GPATCH8: variants seen among roughly 807,000 people sequenced by gnomAD.
GPATCH8 encodes the protein G patch domain-containing protein 8.
GPATCH8 carries 18 observed loss-of-function variants against 118.3 expected under a neutral mutation model. The ratio of observed to expected loss-of-function variants is 0.15; its 90% CI spans 0.11 to 0.23. The LOEUF (loss-of-function observed/expected upper bound fraction) is 0.23. Among genes scored for constraint, GPATCH8 ranks in the 10% least tolerant of loss-of-function variants. The pLI is 1.00. For synonymous variants in GPATCH8, 659 were observed against 684.7 expected, an observed-to-expected ratio of 0.96 and a Z score of 0.59; for missense variants, 1,631 against 1,873.8, an observed-to-expected ratio of 0.87 and a Z score of 2.39.
Position 44,396,802 on chromosome 17 carries a change from G to GA in GPATCH8, c.*765dup, listed in dbSNP as rs1201788395. ...TAAAAAAATCCTATAAATTAAGAAGGAAACATCAACACAACAGAAGAAAAT... is the reference window on the plus strand; with the variant it reads ...TAAAAAAATCCTATAAATTAAGAAGGAAAACATCAACACAACAGAAGAAAAT... On this transcript the variant is annotated 3_prime_UTR_variant, in exon 8 of 8. Transcript: ENST00000591680. 4 of 454,212 alleles carry GA rather than the reference G, an allele frequency of 8.8e-6. No homozygotes were observed. The highest frequency in any genetic ancestry group is 6.0e-5 in the African/African-American group (3 of 49,966). 28.1% of individuals were successfully genotyped at this position (454,212 alleles called of 1,614,324 possible).
intron 3 of GPATCH8, among the ~76,000 whole-genome samples, chr17:44,458,362 T>G (rs1320815986): frequency 6.6e-6 from 1 of 152,180 alleles, no homozygotes; most frequent in Non-Finnish European, 1.5e-5. Flanking sequence ...CTCATGGCTA[T>G]GATGTAAGTA....
intron 1 of GPATCH8, among the ~76,000 whole-genome samples, chr17:44,500,683 C>G (rs935916307): frequency 6.6e-6 from 1 of 152,124 alleles, no homozygotes; most frequent in African/African-American, 2.4e-5. Flanking sequence ...TAAGTCATCT[C>G]GAACTTACCA....
At chr17:44,469,639 T>C (rs1467208170) in intron 2 of GPATCH8, among the ~76,000 whole-genome samples, 1 of 152,212 alleles carries the variant, frequency 6.6e-6, no homozygotes, top group African/African-American at 2.4e-5. Flanking sequence ...CTTGAGTGGA[T>C]TGTAAGCTTT....
In GPATCH8 at chr17:44,454,089, C is replaced by T. The variant is rs190899327; in HGVS notation, c.193+10383G>A. ...CTATCTTTGGTAATATCTATTCCTCCCTCCTCAGGACTTAGTGAAGTCACC... is the reference window on the plus strand; with the variant it reads ...CTATCTTTGGTAATATCTATTCCTCTCTCCTCAGGACTTAGTGAAGTCACC... On this transcript the variant is annotated intron_variant, in intron 3 of 7. Transcript: ENST00000591680. Among the ~76,000 whole-genome samples the T allele has an allele frequency of 2.6e-5, 4 of 152,274 alleles. No individual in the cohort carries two copies. The East Asian group carries it at 7.7e-4, about 29-fold the overall frequency.
At position 44,399,720 on chromosome 17, in the gene GPATCH8, T is replaced by G. The variant is rs779565700; in HGVS notation, c.2357A>C (p.His786Pro). 96 of 1,614,018 alleles carry G rather than the reference T, an allele frequency of 5.9e-5. No homozygotes were observed. The highest frequency in any genetic ancestry group is 7.9e-5 in the Non-Finnish European group (93 of 1,180,024). The change falls in exon 8 of 8, where the codon CAC becomes CCC. Residue 786 changes from histidine to proline, a missense_variant. By Grantham distance (77) the His-to-Pro change is moderately conservative (BLOSUM62 -2). Coordinates refer to ENST00000591680, the MANE Select transcript of GPATCH8 (RefSeq NM_001002909.4). ...GGATGAAGGTGGAAGTTCACCTTTGTGTTTCCTCCCACCATGGTCTTGGGA... is the reference window on the plus strand; with the variant it reads ...GGATGAAGGTGGAAGTTCACCTTTGGGTTTCCTCCCACCATGGTCTTGGGA... The part of the protein sequence containing the change: ...SSSQDHGGRK[H>P]KGELPPSSCQ...
At chr17:44,481,309 G>A (rs1179419808) in intron 1 of GPATCH8, among the ~76,000 whole-genome samples, 2 of 152,134 alleles carry the variant, frequency 1.3e-5, no homozygotes, top group Non-Finnish European at 2.9e-5. Flanking sequence ...TTATTTGTAC[G>A]CTAGAAACTA....
At position 44,401,301 on chromosome 17, in the gene GPATCH8, C is replaced by G. The variant is rs1815629182; in HGVS notation, c.776G>C (p.Gly259Ala). 6.2e-7 allele frequency: 1 copy of G among 1,609,714 alleles called. No homozygotes were observed. Among genetic ancestry groups the G allele is most frequent in the African/African-American group, 1.3e-5 (1 of 74,530 alleles). ...AGTGATTTGTACTGCAGTGAAAGGG[C>G]CTCCTTTATCTGTGGAGAATTCAGA... ...LGSEFSTDKG[G>A]PFTAVQITNT... The change falls in exon 8 of 8, where the codon GGC becomes GCC. Residue 259 changes from glycine (G) to alanine (A), a missense_variant. Physicochemically the swap from Gly to Ala is moderately conservative, Grantham distance 60. Coordinates refer to ENST00000591680, the MANE Select transcript of GPATCH8 (RefSeq NM_001002909.4).
chr17:44,445,489 A>G (rs972794654), intron 3 of GPATCH8, among the ~76,000 whole-genome samples: 11 of 150,808 alleles, frequency 7.3e-5, no homozygotes, highest in South Asian at 2.1e-4. Flanking sequence ...AATCTATGTG[A>G]GTATTTCTTT....
At chr17:44,501,389 C>A (rs1030623858) in intron 1 of GPATCH8, among the ~76,000 whole-genome samples, 1 of 151,368 alleles carries the variant, frequency 6.6e-6, no homozygotes, top group African/African-American at 2.4e-5. Context: ...TGCACTCCAG[C>A]CTGGGCGACA....
At chr17:44,502,867 T>C (rs1211775828) in intron 1 of GPATCH8, among the ~76,000 whole-genome samples, 2 of 151,984 alleles carry the variant, frequency 1.3e-5, no homozygotes, top group African/African-American at 2.4e-5. Flanking sequence ...TTTATCACAG[T>C]GAAGAAAGAA....
At chr17:44,423,078 T>C (rs887168592) in intron 6 of GPATCH8, among the ~76,000 whole-genome samples, 1 of 151,736 alleles carries the variant, frequency 6.6e-6, no homozygotes, top group South Asian at 2.1e-4. Context: ...CCATCTCTAC[T>C]AAAAATACAA....
At position 44,395,752 on chromosome 17, in the gene GPATCH8, C is replaced by T; in HGVS notation, c.*1816G>A. ...GCGAAGGCAGGAACAGAGCCTTGGC[C>T]CAGGTAAGTATGGTTTTTCTTGTCA... On this transcript the variant is annotated 3_prime_UTR_variant, in exon 8 of 8. Coordinates refer to ENST00000591680, the MANE Select transcript of GPATCH8 (RefSeq NM_001002909.4). The T allele has an allele frequency of 2.2e-6, 1 of 454,000 alleles. No individual in the cohort carries two copies. The highest frequency in any genetic ancestry group is 4.4e-6 in the Non-Finnish European group (1 of 226,766). 28.1% of individuals were successfully genotyped at this position (454,000 alleles called of 1,614,324 possible).
rs752223254 is a variant in GPATCH8, at chr17:44,399,120, C to T, written c.2957G>A (p.Arg986Gln). Residue 986 changes from arginine to glutamine, a missense_variant, in exon 8 of 8, where the codon CGG (arginine) becomes CAG (glutamine). Physicochemically the swap from Arg to Gln is conservative, Grantham distance 43. Around this residue, in one of 8 missense-constraint regions of GPATCH8, gnomAD observed 922 missense variants for 879.7 expected, o/e 1.05. Transcript: ENST00000591680. Reference protein sequence around the residue: ...STTAHSWQRSRSYSRDRSRST... With the variant: ...STTAHSWQRSQSYSRDRSRST... Reference sequence around the variant, plus strand: ...GCGGCTGCGGTCCCGGCTATAGCTCCGGCTCCGTTGCCAGCTGTGGGCTGT... The same window carrying T: ...GCGGCTGCGGTCCCGGCTATAGCTCTGGCTCCGTTGCCAGCTGTGGGCTGT... The T allele has an allele frequency of 2.9e-5, 46 of 1,612,248 alleles. No individual in the cohort carries two copies. Among genetic ancestry groups the T allele is most frequent in the South Asian group, 8.8e-5 (8 of 91,030 alleles).
At chr17:44,501,991 T>C (rs1324999053) in intron 1 of GPATCH8, among the ~76,000 whole-genome samples, 1 of 152,146 alleles carries the variant, frequency 6.6e-6, no homozygotes, top group East Asian at 1.9e-4. Flanking sequence ...CTTCAAACTT[T>C]GGTGAATCTG....
chr17:44,500,310 T>C (rs1418206930), intron 1 of GPATCH8, among the ~76,000 whole-genome samples: 1 of 152,180 alleles, frequency 6.6e-6, no homozygotes, highest in Non-Finnish European at 1.5e-5. Context: ...ACGGCAGTAA[T>C]AACAGTACCT....
At chr17:44,402,579 A>C (rs370561853) in intron 7 of GPATCH8, among the ~76,000 whole-genome samples, 6 of 152,204 alleles carry the variant, frequency 3.9e-5, no homozygotes, top group African/African-American at 1.4e-4. Flanking sequence ...AGGCCAGGAG[A>C]TCAAGACCAG....
At chr17:44,428,779 G>A (rs2050183787) in intron 5 of GPATCH8, among the ~76,000 whole-genome samples, 1 of 152,064 alleles carries the variant, frequency 6.6e-6, no homozygotes, top group South Asian at 2.1e-4. Context: ...ACTTCTAGGT[G>A]ACAGAGTGAG....
intron 1 of GPATCH8, among the ~76,000 whole-genome samples, chr17:44,495,589 G>A (rs1178430102): frequency 1.3e-5 from 2 of 152,084 alleles, no homozygotes; most frequent in Non-Finnish European, 2.9e-5. Context: ...ACTACAATAC[G>A]TACTTCTTCG....
chr17:44,434,089 C>T (rs1047800116), intron 5 of GPATCH8, among the ~76,000 whole-genome samples: 2 of 151,668 alleles, frequency 1.3e-5, no homozygotes, highest in Admixed American at 6.6e-5. Context: ...TAGATCACAC[C>T]ACTGTACTCC....
Sources: allele counts gnomAD v4.1 joint callset (sites outside exome capture counted in the v4.1 genomes callset), GRCh38; gene constraint gnomAD v4.1.1; regional missense constraint gnomAD v4.1.1; transcripts MANE v1.5; gene names NCBI Gene and HGNC (gene_info 2026-07-23, HGNC 2026-07-21).